CATIP: variants seen among roughly 807,000 people sequenced by gnomAD.
CATIP encodes ciliogenesis-associated TTC17-interacting protein.
In CATIP, 40 loss-of-function variants were observed where a neutral mutation model predicts 42.5. That is an observed-to-expected ratio of 0.94 (90% confidence interval 0.73 to 1.22). CATIP has a LOEUF of 1.22. Among genes scored for constraint, CATIP ranks in the 50% most tolerant of loss-of-function variants. The probability of loss-of-function intolerance (pLI) is 0.00; values close to 1 mark genes in which losing one functional copy is unlikely to be tolerated. For missense variants in CATIP, 489 were observed against 496.0 expected (o/e 0.99, Z 0.13); for synonymous variants, 222 against 200.2 (o/e 1.11, Z -0.92).
chr2:218,361,623 CTT>C (rs1396432984), intron 5 of CATIP, among the ~76,000 whole-genome samples: 1 of 152,130 alleles, frequency 6.6e-6, no homozygotes. Flanking sequence ...AGAGGGATGA[CTT>C]TGAGTTCTGT....
intron 6 of CATIP, among the ~76,000 whole-genome samples, chr2:218,363,823 A>G (rs1695327288): frequency 6.6e-6 from 1 of 152,218 alleles, no homozygotes; most frequent in African/African-American, 2.4e-5. Flanking sequence ...AAATAAATAA[A>G]TAAAAATAAA....
intron 7 of CATIP, among the ~76,000 whole-genome samples, chr2:218,365,113 C>T (rs1695382855): frequency 1.3e-5 from 2 of 152,128 alleles, no homozygotes; most frequent in South Asian, 4.1e-4. Context: ...GCACTGGCTC[C>T]AAATCATAAG....
intron 6 of CATIP, among the ~76,000 whole-genome samples, chr2:218,364,293 C>G (rs1363292550): frequency 6.6e-6 from 1 of 152,198 alleles, no homozygotes; most frequent in Non-Finnish European, 1.5e-5. Context: ...TCTGGTCTCA[C>G]ACCTCTGAGC....
chr2:218,361,482 G>A lies in CATIP; in HGVS notation c.462+823G>A, dbSNP rs369735841. On this transcript the variant is annotated intron_variant, in intron 5 of 9. Coordinates refer to ENST00000289388, the MANE Select transcript of CATIP (RefSeq NM_198559.2). ...ATAAGAGACATGCTTTTAAGTTTCC[G>A]ATTAGCCTTTCACTGAATACACAAT... Among the ~76,000 whole-genome samples, 14 of 152,252 alleles carry A rather than the reference G, an allele frequency of 9.2e-5. 1 individual carries two copies. The South Asian group carries it at 1.0e-3, about 11-fold the overall frequency.
Position 218,356,864 on chromosome 2 carries a change from G to C in CATIP, c.-21G>C. ...CCATGGAGACAGCTGGACACAGACC[G>C]GGTAGAGGCAGGCCCACAGCATGTC... is the stretch of plus-strand genomic sequence containing the variant. On this transcript the variant is annotated 5_prime_UTR_variant, in exon 1 of 10. Transcript: ENST00000289388. The C allele has an allele frequency of 1.2e-6, 2 of 1,614,102 alleles. No individual in the cohort carries two copies. The highest frequency in any genetic ancestry group is 1.1e-5 in the South Asian group (1 of 91,082).
rs758164600 is a variant in CATIP, at chr2:218,362,849, A to G, written c.577A>G (p.Asn193Asp). 1.9e-6 allele frequency: 3 copies of G among 1,613,926 alleles called. No homozygotes were observed. The highest frequency in any genetic ancestry group is 1.7e-5 in the Admixed American group (1 of 59,996). ...GGCCTGGCGGCGGATGGTGCCCAGC[A>G]ATGCCCGCTTCCTGACCTTGGACAC... The part of the protein sequence containing the change: ...VMAWRRMVPS[N>D]ARFLTLDTEG... Residue 193 changes from asparagine (N) to aspartate (D), a missense_variant, in exon 6 of 10, where the codon AAT (asparagine) becomes GAT (aspartate). Coordinates refer to ENST00000289388, the MANE Select transcript of CATIP (RefSeq NM_198559.2).
At chr2:218,366,768 T>G (rs2106319194) in intron 7 of CATIP, 1 of 454,014 alleles carries the variant, frequency 2.2e-6, no homozygotes, top group East Asian at 4.5e-5. Context: ...TGCAGACAAG[T>G]GCCTTCTCAA....
rs1201531229 is a variant in CATIP, at chr2:218,362,723, A to T, written c.463-12A>T. ...TGGTTCCAGGACCCTGACCCAGATC[A>T]GTTCTGAACAGGAAGTGAAGACTGG... On this transcript the variant is annotated splice_polypyrimidine_tract_variant and intron_variant, in intron 5 of 9. Transcript: ENST00000289388. 4.3e-6 allele frequency: 7 copies of T among 1,612,626 alleles called. No individual in the cohort carries two copies.
At chr2:218,362,603 G>C (rs1695274192) in intron 5 of CATIP, 132 bp from the exon 6 acceptor site, 12 of 814,056 alleles carry the variant, frequency 1.5e-5, no homozygotes, top group Non-Finnish European at 2.3e-5. Flanking sequence ...TTGCACTCCA[G>C]CCTGGGTGAC....
intron 4 of CATIP, among the ~76,000 whole-genome samples, chr2:218,358,454 A>C (rs1308800507): frequency 6.6e-6 from 1 of 152,080 alleles, no homozygotes; most frequent in Non-Finnish European, 1.5e-5. Flanking sequence ...CCAGCTACTC[A>C]GAAGGCTGAG....
At chr2:218,365,464 C>G (rs973598224) in intron 7 of CATIP, 1 of 149,442 alleles carries the variant, frequency 6.7e-6, no homozygotes, top group Non-Finnish European at 1.5e-5. Context: ...GAGTTTCTTT[C>G]TGTTTTTTTG....
At position 218,367,996 on chromosome 2, in the gene CATIP, C is replaced by G; in HGVS notation, c.*32C>G. On this transcript the variant is annotated 3_prime_UTR_variant, in exon 10 of 10. Coordinates refer to ENST00000289388, the MANE Select transcript of CATIP (RefSeq NM_198559.2). ...CCCAGGCCCGGACAGGGCAGGAAAC[C>G]AGGGGTCGGGCTGGGACGCGGGCGG... 2 of 1,504,208 alleles carry G rather than the reference C, an allele frequency of 1.3e-6. No homozygotes were observed. The highest frequency in any genetic ancestry group is 1.8e-6 in the Non-Finnish European group (2 of 1,131,052). The allele number at this position is 1,504,208 out of a possible 1,614,324, so 93.2% of individuals were successfully genotyped here. A position where few individuals can be genotyped will look rare whatever the true frequency, so the allele number is the denominator to read the frequency against.
At chr2:218,359,566 C>A (rs1242745370) in intron 4 of CATIP, among the ~76,000 whole-genome samples, 1 of 151,986 alleles carries the variant, frequency 6.6e-6, no homozygotes, top group East Asian at 1.9e-4. Context: ...GCCCACCAGG[C>A]CTCCAGGGAG....
rs149309207 is a variant in CATIP, at chr2:218,357,725, T to G, written c.310T>G (p.Ser104Ala). Residue 104 changes from serine to alanine, a missense_variant, in exon 3 of 10, where the codon TCC becomes GCC. By Grantham distance (99) the Ser-to-Ala change is moderately conservative. Coordinates refer to ENST00000289388, the MANE Select transcript of CATIP (RefSeq NM_198559.2). The stretch of plus-strand genomic sequence containing the variant: ...CTTGGACAAAATGCTCTGCGGAAAT[T>G]CCCTCCTGGGTAGCGTTCCTACTGC... ...GFLDKMLCGN[S>A]LLGYLSEKLE... The G allele has an allele frequency of 4.8e-5, 78 of 1,613,118 alleles. No individual in the cohort carries two copies. In the African/African-American group the frequency reaches 8.8e-4, roughly 18 times the overall value.
chr2:218,359,004 AGACCAGCCT>A (rs1337510438), intron 4 of CATIP, among the ~76,000 whole-genome samples: 1 of 152,084 alleles, frequency 6.6e-6, no homozygotes, highest in Non-Finnish European at 1.5e-5. Context: ...CGGGAGTTGA[AGACCAGCCT>A]GACCAACATG....
At chr2:218,362,691 C>A in intron 5 of CATIP, 44 bp from the exon 6 acceptor site, 1 of 1,588,296 alleles carries the variant, frequency 6.3e-7, no homozygotes, top group Non-Finnish European at 8.6e-7. Context: ...TGTCCCCTGC[C>A]CCTTCCTGGT....
intron 6 of CATIP, among the ~76,000 whole-genome samples, chr2:218,363,343 G>C (rs1022663878): frequency 6.6e-6 from 1 of 151,772 alleles, no homozygotes; most frequent in South Asian, 2.1e-4. Context: ...AAAATCAGCG[G>C]GGCGTGGTGG....
intron 2 of CATIP, 55 bp from the exon 3 acceptor site, chr2:218,357,479 G>A: frequency 6.7e-7 from 1 of 1,482,106 alleles, no homozygotes; most frequent in South Asian, 1.2e-5. Context: ...TCAGAGGATT[G>A]GATTGGGGCC....
At chr2:218,366,793 G>T (rs1315553414) in intron 7 of CATIP, 2 of 521,808 alleles carry the variant, frequency 3.8e-6, no homozygotes, top group Non-Finnish European at 7.0e-6. Context: ...TCCTCACATG[G>T]CCTTTCTTCC....
Sources: gnomAD v4.1 joint callset for allele counts (sites outside exome capture counted in the v4.1 genomes callset) on GRCh38, gnomAD v4.1.1 for gene constraint, MANE v1.5 for transcripts, NCBI Gene and HGNC (gene_info 2026-07-23, HGNC 2026-07-21) for gene names.